FRY: variants seen among roughly 807,000 people sequenced by gnomAD.
The protein encoded by FRY is protein furry homolog.
FRY carries 128 observed loss-of-function variants against 348.4 expected under a neutral mutation model. That is an observed-to-expected ratio of 0.37 (90% CI 0.32 to 0.43). The LOEUF (loss-of-function observed/expected upper bound fraction) is 0.43, where lower values mean the gene tolerates loss of function less well. Ranked by LOEUF, FRY falls within the 20% of genes least tolerant of loss-of-function variation. The probability of loss-of-function intolerance (pLI) is 1.00; values close to 1 mark genes in which losing one functional copy is unlikely to be tolerated. For synonymous variants in FRY, 1,370 were observed against 1,374.7 expected, an observed-to-expected ratio of 1.00 and a Z score of 0.08; for missense variants, 2,736 against 3,695.2, an observed-to-expected ratio of 0.74 and a Z score of 6.73.
At position 32,236,113 on chromosome 13, in the gene FRY, G is replaced by A. The variant is rs756026623; in HGVS notation, c.5751G>A (p.Ala1917=). 18 of 1,613,874 alleles carry A rather than the reference G, an allele frequency of 1.1e-5. No individual in the cohort carries two copies. The highest frequency in any genetic ancestry group is 7.7e-5 in the South Asian group (7 of 91,082). The change falls in exon 43 of 61, where the codon GCG becomes GCA. Residue 1917 remains alanine, a synonymous_variant. Coordinates refer to ENST00000542859, the MANE Select transcript of FRY (RefSeq NM_023037.3). ...YVMEALLTLE[A]AVDNLSDCLK... ...TGGAAGCGCTCCTAACCTTGGAGGC[G>A]GCTGTGGATAACTTGTCTGACTGCT... is the stretch of plus-strand genomic sequence containing the variant.
intron 28 of FRY, among the ~76,000 whole-genome samples, chr13:32,188,120 A>G (rs1883129918): frequency 6.6e-6 from 1 of 152,164 alleles, no homozygotes; most frequent in Non-Finnish European, 1.5e-5. Flanking sequence ...AGCCTTAAAC[A>G]CATATACAAG....
chr13:32,268,171 C>T (rs892648528), intron 55 of FRY, among the ~76,000 whole-genome samples: 1 of 152,210 alleles, frequency 6.6e-6, no homozygotes, highest in Non-Finnish European at 1.5e-5. Flanking sequence ...TCATAACATA[C>T]TTACAATGAC....
intron 11 of FRY, among the ~76,000 whole-genome samples, chr13:32,146,570 G>A (rs1270689911): frequency 1.3e-5 from 2 of 151,940 alleles, no homozygotes; most frequent in Admixed American, 6.6e-5. Flanking sequence ...TCCTGACCTC[G>A]TAATCCACCT....
intron 58 of FRY, 55 bp from the exon 59 acceptor site, chr13:32,289,578 T>C (rs972825622): frequency 2.9e-6 from 3 of 1,049,816 alleles, no homozygotes; most frequent in Middle Eastern, 2.0e-4. Context: ...TCACTAGTTA[T>C]ATGTGAATGA....
At chr13:32,082,989 A>G (rs1414665097) in intron 2 of FRY, among the ~76,000 whole-genome samples, 1 of 152,118 alleles carries the variant, frequency 6.6e-6, no homozygotes, top group African/African-American at 2.4e-5. Flanking sequence ...CTTTTCATCA[A>G]TTCTGGAAAA....
At chr13:32,280,881 C>T (rs11617975) in intron 58 of FRY, among the ~76,000 whole-genome samples, 34,626 of 152,016 alleles carry the variant, frequency 0.23, 4,462 homozygotes, top group Non-Finnish European at 0.29. Flanking sequence ...CTTTAAAATA[C>T]GTATTTCTGT....
At chr13:32,085,922 A>G (rs547727325) in intron 2 of FRY, 1 of 518,992 alleles carries the variant, frequency 1.9e-6, no homozygotes, top group South Asian at 1.4e-5. Context: ...GCTTTGGGAG[A>G]TGACAGAGGC....
intron 32 of FRY, 53 bp from the exon 33 acceptor site, chr13:32,209,532 T>G: frequency 6.3e-7 from 1 of 1,584,562 alleles, no homozygotes; most frequent in Non-Finnish European, 8.7e-7. Context: ...TCAAACCTTT[T>G]GCGTCCTTAC....
intron 35 of FRY, 148 bp downstream of exon 35, chr13:32,212,530 C>T (rs1884745644): frequency 3.1e-6 from 2 of 655,206 alleles, no homozygotes; most frequent in Non-Finnish European, 5.5e-6. Flanking sequence ...TACTTTCCAA[C>T]TCTACTCAGT....
intron 35 of FRY, among the ~76,000 whole-genome samples, chr13:32,215,207 T>A (rs1884921323): frequency 6.6e-6 from 1 of 152,084 alleles, no homozygotes; most frequent in Non-Finnish European, 1.5e-5. Context: ...ACATTCAATT[T>A]TTTTAAAAAA....
At chr13:32,258,603 ACT>A (rs1347516952) in intron 51 of FRY, among the ~76,000 whole-genome samples, 5 of 125,024 alleles carry the variant, frequency 4.0e-5, no homozygotes, top group Admixed American at 8.4e-5. Flanking sequence ...ACAGAGCAAG[ACT>A]CTGTCTCAAA....
intron 16 of FRY, among the ~76,000 whole-genome samples, chr13:32,158,150 T>C (rs1257013141): frequency 1.3e-5 from 2 of 152,234 alleles, no homozygotes; most frequent in African/African-American, 4.8e-5. Flanking sequence ...GTGCATTTTT[T>C]TTTGTGATAG....
At chr13:32,276,240 T>C (rs1888529895) in intron 56 of FRY, among the ~76,000 whole-genome samples, 1 of 152,216 alleles carries the variant, frequency 6.6e-6, no homozygotes, top group Non-Finnish European at 1.5e-5. Context: ...TATACTAATA[T>C]GGGAAAGAAT....
At position 32,237,693 on chromosome 13, in the gene FRY, C is replaced by T; in HGVS notation, c.6125C>T (p.Ala2042Val). 1 of 1,614,132 alleles carries T rather than the reference C, an allele frequency of 6.2e-7. No homozygotes were observed. The highest frequency in any genetic ancestry group is 8.5e-7 in the Non-Finnish European group (1 of 1,180,012). ...SHINHPTNLLATIFWVTVALM... is the reference protein window; with the variant it reads ...SHINHPTNLLVTIFWVTVALM... ...ATAAACCATCCCACCAACCTGCTGG[C>T]CACCATATTCTGGGTCACAGTGGCC... is the stretch of plus-strand genomic sequence containing the variant. The change falls in exon 44 of 61, where the codon GCC becomes GTC. Residue 2042 changes from alanine (A) to valine (V), a missense_variant. Physicochemically the swap from Ala to Val is moderately conservative, Grantham distance 64. This residue lies in a region of FRY where 789 missense variants were observed against 996.2 expected (regional missense o/e 0.79). Coordinates refer to ENST00000542859, the MANE Select transcript of FRY (RefSeq NM_023037.3). This position sits in a 1 kb window ranked among gnomAD's most constrained non-coding sequence, Gnocchi z 6.3.
intron 2 of FRY, among the ~76,000 whole-genome samples, chr13:32,083,720 AT>A (rs1055038765): frequency 5.3e-5 from 8 of 151,716 alleles, no homozygotes; most frequent in Non-Finnish European, 8.8e-5. Context: ...TTGGATGTGA[AT>A]TTTTTTTTCT....
intron 35 of FRY, among the ~76,000 whole-genome samples, chr13:32,217,752 T>C (rs1316540809): frequency 1.3e-5 from 2 of 152,226 alleles, no homozygotes; most frequent in Non-Finnish European, 1.5e-5. Context: ...GTAGAATAAA[T>C]AATGCTTATC....
intron 23 of FRY, among the ~76,000 whole-genome samples, chr13:32,180,445 G>C (rs117764638): frequency 0.022 from 3,424 of 152,260 alleles, 57 homozygotes; most frequent in Non-Finnish European, 0.034. Context: ...ATGTTGACAA[G>C]GCTGTTCTCG....
chr13:32,238,087 C>T (rs895401708), intron 44 of FRY, 101 bp downstream of exon 44: 14 of 1,326,610 alleles, frequency 1.1e-5, no homozygotes, highest in Non-Finnish European at 1.4e-5. Context: ...AACAATTCTG[C>T]TTAAAAATGG....
intron 2 of FRY, among the ~76,000 whole-genome samples, chr13:32,081,075 T>A (rs1404454205): frequency 6.6e-6 from 1 of 152,230 alleles, no homozygotes; most frequent in African/African-American, 2.4e-5. Flanking sequence ...TTTTTTCTTC[T>A]TGGAATAAGG....
Sources: allele counts gnomAD v4.1 joint callset (sites outside exome capture counted in the v4.1 genomes callset), GRCh38; gene constraint gnomAD v4.1.1; regional missense constraint gnomAD v4.1.1; non-coding constraint Gnocchi (gnomAD v3.1); transcripts MANE v1.5; gene names NCBI Gene and HGNC (gene_info 2026-07-23, HGNC 2026-07-21).